The following NTRK2 variants were observed in gnomAD, a reference collection of about 807,000 sequenced individuals.
NTRK2 encodes the protein BDNF/NT-3 growth factors receptor.
Under a neutral mutation model 94.5 loss-of-function variants are expected in NTRK2, and 13 were observed. The ratio of observed to expected loss-of-function variants is 0.14; its 90% CI spans 0.09 to 0.22. NTRK2 has a LOEUF of 0.22. Ranked by LOEUF, NTRK2 falls within the 10% of genes least tolerant of loss-of-function variation. The pLI is 1.00. For synonymous variants in NTRK2, 372 were observed against 407.4 expected (o/e 0.91, Z 1.05); for missense variants, 639 against 1,071.2 (o/e 0.60, Z 5.63).
intron 12 of NTRK2, among the ~76,000 whole-genome samples, chr9:84,755,525 CTTTTTTT>C (rs745611460): frequency 3.8e-4 from 23 of 60,644 alleles, no homozygotes; most frequent in Admixed American, 1.5e-3. Flanking sequence ...AGTCCCACCT[CTTTTTTT>C]TTTTTTTTTT....
chr9:84,858,312 A>T (rs1409795149), intron 12 of NTRK2, among the ~76,000 whole-genome samples: 1 of 151,858 alleles, frequency 6.6e-6, no homozygotes, highest in Non-Finnish European at 1.5e-5. Context: ...TTACAATGTT[A>T]CTTCCTGGCC....
intron 6 of NTRK2, among the ~76,000 whole-genome samples, chr9:84,717,761 G>A (rs1415998046): frequency 6.6e-6 from 1 of 152,114 alleles, no homozygotes; most frequent in Non-Finnish European, 1.5e-5. Context: ...AGATTTAAAT[G>A]TATTTTACAT....
At chr9:84,948,656 G>C (rs1458587682) in intron 16 of NTRK2, 22 bp downstream of exon 16, 1 of 1,612,590 alleles carries the variant, frequency 6.2e-7, no homozygotes, top group East Asian at 2.2e-5. Flanking sequence ...CGGGGAGGTG[G>C]GCTCCAGGAG....
intron 15 of NTRK2, among the ~76,000 whole-genome samples, chr9:84,935,277 C>T (rs990759642): frequency 6.6e-6 from 1 of 152,138 alleles, no homozygotes; most frequent in Non-Finnish European, 1.5e-5. Flanking sequence ...ATAACCAGGA[C>T]AACTTTTCAT....
At chr9:84,806,589 C>T (rs138577552) in intron 12 of NTRK2, among the ~76,000 whole-genome samples, 1 of 152,302 alleles carries the variant, frequency 6.6e-6, no homozygotes, top group East Asian at 1.9e-4. Context: ...GTTTAGATTT[C>T]AGCTCTCTCA....
In NTRK2 at chr9:84,670,708, A is replaced by C. The variant is rs2058645177; in HGVS notation, c.-41A>C. 2 of 1,600,184 alleles carry C rather than the reference A, an allele frequency of 1.2e-6. 1 individual carries two copies. The highest frequency in any genetic ancestry group is 2.2e-5 in the South Asian group (2 of 90,784). ...ACGGGTGGGGGAAAGCGGCCGGTGC[A>C]GCGCGGGGACAGGCACTCGGGCTGG... is the stretch of plus-strand genomic sequence containing the variant. On this transcript the variant is annotated 5_prime_UTR_variant, in exon 2 of 19. Coordinates refer to ENST00000277120, the MANE Select transcript of NTRK2 (RefSeq NM_006180.6).
intron 12 of NTRK2, among the ~76,000 whole-genome samples, chr9:84,818,081 T>TA (rs1418769832): frequency 6.6e-6 from 1 of 152,156 alleles, no homozygotes; most frequent in Non-Finnish European, 1.5e-5. Context: ...ACTTCAAACT[T>TA]AAGTGTTTCA....
At chr9:84,804,055 A>G (rs891003744) in intron 12 of NTRK2, among the ~76,000 whole-genome samples, 3 of 152,166 alleles carry the variant, frequency 2.0e-5, no homozygotes, top group Non-Finnish European at 4.4e-5. Context: ...AAGAGCTCCA[A>G]ACTCTATTTC....
chr9:84,980,342 C>A (rs1052016069), intron 17 of NTRK2, among the ~76,000 whole-genome samples: 1 of 152,126 alleles, frequency 6.6e-6, no homozygotes, highest in African/African-American at 2.4e-5. Flanking sequence ...GTATGTGGGA[C>A]TGTTTTCTTC....
intron 14 of NTRK2, chr9:84,877,253 A>G: frequency 9.4e-7 from 1 of 1,065,836 alleles, no homozygotes; most frequent in South Asian, 4.5e-5. Context: ...TGTCCTCTTT[A>G]GTTCTCTTTG....
chr9:84,886,583 C>T (rs1332349724), intron 14 of NTRK2, among the ~76,000 whole-genome samples: 2 of 152,212 alleles, frequency 1.3e-5, no homozygotes, highest in African/African-American at 2.4e-5. Context: ...TTCTCTTTTT[C>T]TGTTCTGTTG....
In NTRK2 at chr9:84,918,994, T is replaced by A. The variant is rs1443446; in HGVS notation, c.1634-15168T>A. ...GCTCCCATCTGCTTATACAATCAAA[T>A]CTAGACCCCTTCATCTAACCTTCAA... is the stretch of plus-strand genomic sequence containing the variant. On this transcript the variant is annotated intron_variant, in intron 14 of 18. Coordinates refer to ENST00000277120, the MANE Select transcript of NTRK2 (RefSeq NM_006180.6). Among the ~76,000 whole-genome samples the A allele has an allele frequency of 6.2e-3, 938 of 152,248 alleles. 19 individuals are homozygous for A. The highest frequency in any genetic ancestry group is 0.041 in the Admixed American group (620 of 15,296).
At position 84,675,929 on chromosome 9, in the gene NTRK2, G is replaced by A. The variant is rs183904426; in HGVS notation, c.212+4969G>A. ...GCTCTCTGGGGTGTCCAAAGGACTGGGAAGTTATAAATATTGATCTGGGAG... is the reference window on the plus strand; with the variant it reads ...GCTCTCTGGGGTGTCCAAAGGACTGAGAAGTTATAAATATTGATCTGGGAG... On this transcript the variant is annotated intron_variant, in intron 2 of 18. Transcript: ENST00000277120. Among the ~76,000 whole-genome samples the A allele has an allele frequency of 5.2e-3, 785 of 152,264 alleles. 4 individuals are homozygous for A. The highest frequency in any genetic ancestry group is 8.4e-3 in the Non-Finnish European group (570 of 68,024).
At chr9:84,745,484 T>A (rs767988230) in intron 11 of NTRK2, among the ~76,000 whole-genome samples, 1 of 152,158 alleles carries the variant, frequency 6.6e-6, no homozygotes, top group South Asian at 2.1e-4. Flanking sequence ...TATAATCATA[T>A]GAACAAAATT....
At chr9:84,877,287 T>C (rs202086756) in intron 14 of NTRK2, 4 of 1,065,836 alleles carry the variant, frequency 3.8e-6, no homozygotes, top group Non-Finnish European at 4.5e-6. Context: ...TTGAGGGCCT[T>C]TGTGCCTCCA....
intron 12 of NTRK2, chr9:84,814,291 G>A (rs200411580): frequency 1.2e-4 from 129 of 1,065,332 alleles, no homozygotes; most frequent in African/African-American, 1.8e-4. Context: ...GAGCAGAGGC[G>A]ACACCTCTTC....
At chr9:84,871,256 T>G (rs1424263438) in intron 14 of NTRK2, among the ~76,000 whole-genome samples, 1 of 152,160 alleles carries the variant, frequency 6.6e-6, no homozygotes, top group Non-Finnish European at 1.5e-5. Context: ...AAAAATGATA[T>G]GGGCTAGTGA....
At chr9:84,690,584 T>A (rs1318518717) in intron 2 of NTRK2, among the ~76,000 whole-genome samples, 3 of 151,912 alleles carry the variant, frequency 2.0e-5, no homozygotes, top group African/African-American at 7.2e-5. Context: ...TGGCCGGTGG[T>A]GGCAGGCGCC....
intron 17 of NTRK2, among the ~76,000 whole-genome samples, chr9:84,989,903 G>A (rs905311557): frequency 1.3e-5 from 2 of 152,304 alleles, no homozygotes; most frequent in African/African-American, 2.4e-5. Flanking sequence ...AGGCAGTCTA[G>A]TACCTTGTAC....
Sources: allele counts gnomAD v4.1 joint callset (sites outside exome capture counted in the v4.1 genomes callset), GRCh38; gene constraint gnomAD v4.1.1; transcripts MANE v1.5; gene names NCBI Gene and HGNC (gene_info 2026-07-23, HGNC 2026-07-21).